Variants in SUCLG2 observed in about 807,000 individuals in gnomAD.
SUCLG2 encodes the protein succinate--CoA ligase [GDP-forming] subunit beta, mitochondrial.
SUCLG2 carries 42 observed loss-of-function variants against 47.9 expected under a neutral mutation model. The observed-to-expected ratio is 0.88, with a 90% confidence interval of 0.69 to 1.14. The LOEUF (loss-of-function observed/expected upper bound fraction) is 1.14, where lower values mean the gene tolerates loss of function less well. SUCLG2 is among the 50% of genes most tolerant of loss of function. The pLI is 0.00. For missense variants in SUCLG2, 571 were observed against 525.9 expected, an observed-to-expected ratio of 1.09 and a Z score of -0.84; for synonymous variants, 195 against 197.3, an observed-to-expected ratio of 0.99 and a Z score of 0.10.
intron 9 of SUCLG2, among the ~76,000 whole-genome samples, chr3:67,456,610 C>T (rs9871993): frequency 0.043 from 6,505 of 152,090 alleles, 334 homozygotes; most frequent in African/African-American, 0.13. Context: ...AGAAACACAG[C>T]GAGGTGAAAT....
chr3:67,549,235 C>A (rs931401567), intron 2 of SUCLG2, among the ~76,000 whole-genome samples: 1 of 152,096 alleles, frequency 6.6e-6, no homozygotes, highest in African/African-American at 2.4e-5. Flanking sequence ...CAGGATGATA[C>A]CTGGAGCTTA....
chr3:67,390,806 A>T (rs185441898), intron 10 of SUCLG2, among the ~76,000 whole-genome samples: 449 of 152,334 alleles, frequency 2.9e-3, no homozygotes, highest in African/African-American at 0.01. Flanking sequence ...AAACGCAGTA[A>T]ACAAAATGTT....
In SUCLG2 at chr3:67,498,183, G is replaced by C; in HGVS notation, c.870C>G (p.Ala290=). Residue 290 remains alanine, a synonymous_variant, in exon 8 of 11, where the codon GCC becomes GCG. Transcript: ENST00000307227. Reference sequence around the variant, plus strand: ...GTCCTATGTATTTTAGATCATATTTGGCAGCTTCATTTTCAATGGGCTCAT... The same window carrying C: ...GTCCTATGTATTTTAGATCATATTTCGCAGCTTCATTTTCAATGGGCTCAT... ...SENEPIENEA[A]KYDLKYIGLD... 2 of 1,613,462 alleles carry C rather than the reference G, an allele frequency of 1.2e-6. No homozygotes were observed. Among genetic ancestry groups the C allele is most frequent in the Non-Finnish European group, 1.7e-6 (2 of 1,179,760 alleles).
chr3:67,442,764 T>G (rs548344175), intron 9 of SUCLG2, among the ~76,000 whole-genome samples: 14 of 152,364 alleles, frequency 9.2e-5, no homozygotes, highest in South Asian at 4.1e-4. Context: ...TGAGTTTTCT[T>G]GTTTGTAAAC....
Position 67,614,470 on chromosome 3 carries a change from T to C in SUCLG2, c.85-4874A>G, listed in dbSNP as rs568094494. ...GGCCAACACCATTTCCTTCCTCTCC[T>C]ATGGCTCACGGAAGATTCCTGCTGT... On this transcript the variant is annotated intron_variant, in intron 1 of 10. Coordinates refer to ENST00000307227, the MANE Select transcript of SUCLG2 (RefSeq NM_003848.4). Among the ~76,000 whole-genome samples the C allele has an allele frequency of 2.6e-5, 4 of 151,878 alleles. No individual in the cohort carries two copies. In the South Asian group the frequency reaches 8.4e-4, roughly 32 times the overall value.
At chr3:67,654,292 G>A (rs190449241) in intron 1 of SUCLG2, among the ~76,000 whole-genome samples, 2 of 152,200 alleles carry the variant, frequency 1.3e-5, no homozygotes, top group Non-Finnish European at 2.9e-5. Flanking sequence ...CATACCCCGA[G>A]GCACCCGGGG....
intron 6 of SUCLG2, among the ~76,000 whole-genome samples, chr3:67,509,305 A>G (rs995332005): frequency 1.6e-4 from 25 of 152,358 alleles, no homozygotes; most frequent in African/African-American, 5.0e-4. Flanking sequence ...TATTGTGCTG[A>G]AATAAAACAG....
chr3:67,555,960 G>A (rs1299603872), intron 2 of SUCLG2, among the ~76,000 whole-genome samples: 1 of 152,192 alleles, frequency 6.6e-6, no homozygotes, highest in Non-Finnish European at 1.5e-5. Flanking sequence ...GCCTTCTGAT[G>A]GGACATATAT....
intron 9 of SUCLG2, among the ~76,000 whole-genome samples, chr3:67,452,194 T>C (rs2106938440): frequency 1.3e-5 from 2 of 152,348 alleles, no homozygotes; most frequent in Admixed American, 1.3e-4. Context: ...AGAACTCCCA[T>C]AATTCTTTTC....
intron 1 of SUCLG2, among the ~76,000 whole-genome samples, chr3:67,630,465 T>C (rs1294390123): frequency 7.7e-6 from 1 of 130,574 alleles, no homozygotes; most frequent in Non-Finnish European, 1.7e-5. Context: ...AGTAAGTACT[T>C]ATGTGTAGGA....
chr3:67,613,483 T>C (rs1048095308), intron 1 of SUCLG2, among the ~76,000 whole-genome samples: 1 of 152,302 alleles, frequency 6.6e-6, no homozygotes, highest in South Asian at 2.1e-4. Context: ...CAGGCCAACG[T>C]TTAATTGCCA....
chr3:67,460,991 G>A (rs1437696825), intron 9 of SUCLG2, among the ~76,000 whole-genome samples: 2 of 152,112 alleles, frequency 1.3e-5, no homozygotes, highest in Non-Finnish European at 2.9e-5. Context: ...CTGCACTACA[G>A]AGCCAGCACT....
chr3:67,508,368 G>A (rs1457759265), intron 7 of SUCLG2, among the ~76,000 whole-genome samples: 1 of 152,098 alleles, frequency 6.6e-6, no homozygotes, highest in Non-Finnish European at 1.5e-5. Flanking sequence ...CAGCAGTGAT[G>A]GGCCTAAAAA....
chr3:67,429,180 A>T (rs1412985570), intron 9 of SUCLG2, among the ~76,000 whole-genome samples: 1 of 152,216 alleles, frequency 6.6e-6, no homozygotes, highest in Non-Finnish European at 1.5e-5. Context: ...TGAAGGAAAA[A>T]ATATTAAGGG....
chr3:67,632,421 G>C (rs1277546802), intron 1 of SUCLG2, among the ~76,000 whole-genome samples: 1 of 152,100 alleles, frequency 6.6e-6, no homozygotes, highest in East Asian at 1.9e-4. Context: ...GACCTCGAGT[G>C]ATCTGCCCGC....
At chr3:67,443,354 G>A (rs1458470085) in intron 9 of SUCLG2, among the ~76,000 whole-genome samples, 1 of 47,720 alleles carries the variant, frequency 2.1e-5, no homozygotes, top group East Asian at 8.2e-4. Flanking sequence ...GCCGGCGAGC[G>A]CCCCTCGGGA....
chr3:67,377,586 T>C (rs1394301092), intron 10 of SUCLG2, among the ~76,000 whole-genome samples: 1 of 152,210 alleles, frequency 6.6e-6, no homozygotes, highest in East Asian at 1.9e-4. Context: ...GTTTTCCTTG[T>C]CTGCTTTCTG....
intron 2 of SUCLG2, among the ~76,000 whole-genome samples, chr3:67,559,690 T>C (rs888396970): frequency 2.0e-5 from 3 of 152,192 alleles, no homozygotes; most frequent in Admixed American, 1.3e-4. Flanking sequence ...AGGTGAAACT[T>C]TGTGAAACTG....
intron 9 of SUCLG2, among the ~76,000 whole-genome samples, chr3:67,428,849 T>C (rs1250247955): frequency 2.0e-5 from 3 of 152,034 alleles, no homozygotes; most frequent in Non-Finnish European, 4.4e-5. Context: ...GAAAGGATAT[T>C]AGTGATTGAA....
Sources: allele counts gnomAD v4.1 joint callset (sites outside exome capture counted in the v4.1 genomes callset), GRCh38; gene constraint gnomAD v4.1.1; transcripts MANE v1.5; gene names NCBI Gene and HGNC (gene_info 2026-07-23, HGNC 2026-07-21).